The following FAM184A variants were observed in gnomAD, a reference collection of about 807,000 sequenced individuals.
FAM184A encodes the protein protein FAM184A.
Under a neutral mutation model 143.8 loss-of-function variants are expected in FAM184A, and 99 were observed. The ratio of observed to expected loss-of-function variants is 0.69; its 90% CI spans 0.58 to 0.81. The LOEUF (loss-of-function observed/expected upper bound fraction) is 0.81. Among genes scored for constraint, FAM184A ranks in the 40% least tolerant of loss-of-function variants. The pLI, the probability that FAM184A is intolerant of heterozygous loss-of-function variation, is 0.00. For synonymous variants in FAM184A, 427 were observed against 446.4 expected (o/e 0.96, Z 0.55); for missense variants, 1,217 against 1,310.5 (o/e 0.93, Z 1.10).
At chr6:118,973,744 G>A (rs2114563874) in intron 14 of FAM184A, among the ~76,000 whole-genome samples, 1 of 152,120 alleles carries the variant, frequency 6.6e-6, no homozygotes, top group Admixed American at 6.5e-5. Flanking sequence ...CAAGCATCTA[G>A]GAAAGGAAGG....
At chr6:119,100,367 A>G (rs1299276392) in intron 1 of FAM184A, among the ~76,000 whole-genome samples, 3 of 152,158 alleles carry the variant, frequency 2.0e-5, no homozygotes, top group African/African-American at 7.2e-5. Flanking sequence ...TGTAAAGCAC[A>G]TCTGAAATTG....
intron 1 of FAM184A, among the ~76,000 whole-genome samples, chr6:119,071,297 A>G (rs1787676626): frequency 6.6e-6 from 1 of 152,218 alleles, no homozygotes; most frequent in African/African-American, 2.4e-5. Context: ...CTAAGCAACA[A>G]TCTAATCAAG....
chr6:119,036,222 T>TG (rs1340629614), intron 1 of FAM184A, among the ~76,000 whole-genome samples: 3 of 151,488 alleles, frequency 2.0e-5, no homozygotes, highest in Non-Finnish European at 4.4e-5. Context: ...GTGTCTTTTT[T>TG]TTTTTAACTA....
Position 119,006,568 on chromosome 6 carries a change from C to A in FAM184A, c.1694G>T (p.Gly565Val), listed in dbSNP as rs372212336. The A allele has an allele frequency of 6.2e-7, 1 of 1,613,528 alleles. No individual in the cohort carries two copies. The highest frequency in any genetic ancestry group is 1.3e-5 in the African/African-American group (1 of 74,882). The change falls in exon 7 of 18, where the codon GGT (glycine) becomes GTT (valine). Residue 565 changes from glycine (G) to valine (V), a missense_variant. Gly to Val is a moderately radical substitution (Grantham distance 109). Transcript: ENST00000338891. ...LQDMVRKSEQ[G>V]LGSAEGLIAS... The stretch of plus-strand genomic sequence containing the variant: ...AATAAGTCCTTCTGCAGAGCCAAGA[C>A]CTTGTTCACTTTTCCTTACCATATC...
intron 1 of FAM184A, among the ~76,000 whole-genome samples, chr6:119,070,374 C>T (rs1396306100): frequency 6.6e-6 from 1 of 152,046 alleles, no homozygotes; most frequent in Non-Finnish European, 1.5e-5. Context: ...GTTAAGCATA[C>T]CAAAATACAA....
At chr6:119,146,008 C>T (rs933520347) in intron 1 of FAM184A, among the ~76,000 whole-genome samples, 3 of 152,088 alleles carry the variant, frequency 2.0e-5, no homozygotes, top group Admixed American at 6.5e-5. Context: ...AGGTATTTCC[C>T]CAAATGTGGC....
At position 118,997,611 on chromosome 6, in the gene FAM184A, C is replaced by T. The variant is rs183863647; in HGVS notation, c.2088+5288G>A. On this transcript the variant is annotated intron_variant, in intron 9 of 17. Coordinates refer to ENST00000338891, the MANE Select transcript of FAM184A (RefSeq NM_024581.6). ...GCTGAGGCTGGAGAATCACTTCAAC[C>T]CAGGAGGTGGAGGTTGCAGTGATAC... Among the ~76,000 whole-genome samples, 289 of 151,898 alleles carry T rather than the reference C, an allele frequency of 1.9e-3. 1 individual carries two copies. Among genetic ancestry groups the T allele is most frequent in the African/African-American group, 6.7e-3 (277 of 41,454 alleles).
chr6:119,024,356 T>C lies in FAM184A; in HGVS notation c.617A>G (p.Gln206Arg). 1 of 1,614,236 alleles carries C rather than the reference T, an allele frequency of 6.2e-7. No homozygotes were observed. The highest frequency in any genetic ancestry group is 1.3e-5 in the African/African-American group (1 of 75,070). The change falls in exon 2 of 18, where the codon CAG becomes CGG. Residue 206 changes from glutamine to arginine, a missense_variant. By Grantham distance (43) the Gln-to-Arg change is conservative. Transcript: ENST00000338891. ...TTTATTTACTGAGGCACTGTGATCCTGCTGTGACTTCAATAGCTCTTGTAT... is the reference window on the plus strand; with the variant it reads ...TTTATTTACTGAGGCACTGTGATCCCGCTGTGACTTCAATAGCTCTTGTAT... ...REIQELLKSQ[Q>R]DHSASVNKGQ... is the part of the protein sequence containing the mutation.
chr6:118,972,953 G>C (rs1393385131), intron 14 of FAM184A, among the ~76,000 whole-genome samples: 6 of 152,138 alleles, frequency 3.9e-5, no homozygotes, highest in Non-Finnish European at 7.4e-5. Flanking sequence ...CTCATACTTG[G>C]CCCAAAAGGA....
chr6:119,054,243 C>T (rs900830638), intron 1 of FAM184A, among the ~76,000 whole-genome samples: 10 of 152,282 alleles, frequency 6.6e-5, no homozygotes, highest in African/African-American at 2.2e-4. Context: ...AAATGAATCA[C>T]GCTAGCTTAG....
At chr6:119,040,935 T>C (rs767870507) in intron 1 of FAM184A, among the ~76,000 whole-genome samples, 5 of 152,202 alleles carry the variant, frequency 3.3e-5, no homozygotes, top group Non-Finnish European at 7.3e-5. Context: ...GAACAAATGT[T>C]GCACTCTTGA....
intron 6 of FAM184A, 29 bp from the exon 7 acceptor site, chr6:119,006,637 A>T (rs765296969): frequency 6.5e-7 from 1 of 1,533,918 alleles, no homozygotes; most frequent in Non-Finnish European, 8.8e-7. Context: ...CTTTTAATAT[A>T]TTTCATTGTA....
At chr6:118,994,414 C>T (rs931023892) in intron 9 of FAM184A, among the ~76,000 whole-genome samples, 105 of 151,968 alleles carry the variant, frequency 6.9e-4, no homozygotes, top group African/African-American at 2.5e-3. Context: ...TGGCCGGGTG[C>T]GGTGGCTCAC....
At chr6:119,018,583 T>C (rs1785342797) in intron 4 of FAM184A, among the ~76,000 whole-genome samples, 2 of 152,158 alleles carry the variant, frequency 1.3e-5, no homozygotes, top group African/African-American at 4.8e-5. Flanking sequence ...ACCAAGAACT[T>C]TGAATTTTCT....
intron 1 of FAM184A, among the ~76,000 whole-genome samples, chr6:119,040,529 C>T (rs1258864038): frequency 6.6e-6 from 1 of 152,176 alleles, no homozygotes; most frequent in Non-Finnish European, 1.5e-5. Flanking sequence ...AGGGTCTGTA[C>T]TGAGCATATC....
chr6:118,969,993 A>ATAAAAAATATATATATATAT (rs1189865476), intron 14 of FAM184A, among the ~76,000 whole-genome samples: 1 of 24,376 alleles, frequency 4.1e-5, no homozygotes, highest in Admixed American at 6.6e-4. Flanking sequence ...ATATATATAT[A>ATAAAAAATATATATATATAT]ATATATATAT....
chr6:119,010,857 G>C (rs1241865448), intron 6 of FAM184A, among the ~76,000 whole-genome samples: 1 of 152,150 alleles, frequency 6.6e-6, no homozygotes, highest in Non-Finnish European at 1.5e-5. Context: ...TGAGATTGAA[G>C]AAGAGCTCTA....
intron 1 of FAM184A, among the ~76,000 whole-genome samples, chr6:119,129,420 T>C (rs1003892813): frequency 6.6e-6 from 1 of 152,206 alleles, no homozygotes; most frequent in African/African-American, 2.4e-5. Context: ...TTCCTGATCT[T>C]TTAGGGCCCA....
At chr6:118,995,409 AC>A (rs1021682102) in intron 9 of FAM184A, among the ~76,000 whole-genome samples, 6 of 152,172 alleles carry the variant, frequency 3.9e-5, no homozygotes, top group Non-Finnish European at 7.3e-5. Context: ...ACAGAGTGAG[AC>A]CCTGTCTCCA....
Sources: allele counts gnomAD v4.1 joint callset (sites outside exome capture counted in the v4.1 genomes callset), GRCh38; gene constraint gnomAD v4.1.1; transcripts MANE v1.5; gene names NCBI Gene and HGNC (gene_info 2026-07-23, HGNC 2026-07-21).